The following PRKG1 variants were observed in gnomAD, a reference collection of about 807,000 sequenced individuals.
The protein encoded by PRKG1 is protein kinase cGMP-dependent 1, also known as cGMP-dependent protein kinase 1.
A neutral mutation model predicts 88.1 loss-of-function variants in PRKG1; 35 were observed. That is an observed-to-expected ratio of 0.40 (90% CI 0.30 to 0.53). PRKG1 has a LOEUF of 0.53. PRKG1 is among the 20% of genes least tolerant of loss of function. The pLI is 0.59. For synonymous variants in PRKG1, 303 were observed against 292.5 expected (o/e 1.04, Z -0.37); for missense variants, 540 against 839.8 (o/e 0.64, Z 4.41).
chr10:51,169,174 C>A (rs74131782), intron 2 of PRKG1, among the ~76,000 whole-genome samples: 5,290 of 152,194 alleles, frequency 0.035, 302 homozygotes, highest in African/African-American at 0.12. Context: ...TATAACATTT[C>A]ATCTTTTGAA....
intron 3 of PRKG1, among the ~76,000 whole-genome samples, chr10:51,499,722 TG>T (rs1323647868): frequency 6.6e-6 from 1 of 152,190 alleles, no homozygotes; most frequent in East Asian, 1.9e-4. Flanking sequence ...GAGGATCGCT[TG>T]CAGCCAGGAG....
Position 51,847,840 on chromosome 10 carries a change from T to TAAAAAAA in PRKG1, c.698+43181_698+43187dup, listed in dbSNP as rs766423513. The stretch of plus-strand genomic sequence containing the variant: ...AACATAGAGAGACTCAAGACTCTGT[T>TAAAAAAA]AAAAAAAAAAAAAAAAAAAAAAAAA... On this transcript the variant is annotated intron_variant, in intron 4 of 17. Coordinates refer to ENST00000373980, the MANE Select transcript of PRKG1 (RefSeq NM_006258.4). 9.4e-4 allele frequency among the ~76,000 whole-genome samples: 33 copies of TAAAAAAA among 35,218 alleles called. 1 individual carries two copies. Among genetic ancestry groups the TAAAAAAA allele is most frequent in the Non-Finnish European group, 1.6e-3 (30 of 18,438 alleles). 23.1% of individuals were successfully genotyped at this position (35,218 alleles called of 152,430 possible).
chr10:51,435,092 A>C (rs1333003607), intron 2 of PRKG1, among the ~76,000 whole-genome samples: 1 of 152,086 alleles, frequency 6.6e-6, no homozygotes, highest in East Asian at 1.9e-4. Flanking sequence ...TATAAAAGGC[A>C]GGAATTGTAG....
chr10:51,263,173 C>G (rs1053819399), intron 2 of PRKG1, among the ~76,000 whole-genome samples: 8 of 152,168 alleles, frequency 5.3e-5, no homozygotes, highest in African/African-American at 1.9e-4. Flanking sequence ...AATGTTCACC[C>G]CTTTTTCTGC....
chr10:51,169,010 G>A (rs986990473), intron 2 of PRKG1, among the ~76,000 whole-genome samples: 27 of 152,100 alleles, frequency 1.8e-4, no homozygotes, highest in African/African-American at 5.3e-4. Context: ...CTGAGTTAGC[G>A]TCGCAGAACA....
At chr10:51,957,157 C>CTT (rs796508675) in intron 5 of PRKG1, among the ~76,000 whole-genome samples, 1 of 34,726 alleles carries the variant, frequency 2.9e-5, no homozygotes, top group Non-Finnish European at 6.2e-5. Context: ...TTTCCTCTTT[C>CTT]TTTCTCTCTT....
At chr10:51,992,728 T>A (rs535666147) in intron 5 of PRKG1, among the ~76,000 whole-genome samples, 1 of 152,294 alleles carries the variant, frequency 6.6e-6, no homozygotes, top group East Asian at 1.9e-4. Flanking sequence ...TGTGTCTCTG[T>A]GTGTATGTCT....
chr10:51,776,365 A>G (rs1838435750), intron 3 of PRKG1, among the ~76,000 whole-genome samples: 1 of 152,196 alleles, frequency 6.6e-6, no homozygotes, highest in Non-Finnish European at 1.5e-5. Context: ...AAAATCTAAT[A>G]GATAGCTACA....
chr10:51,030,141 T>TA (rs1843263688), intron 1 of PRKG1, among the ~76,000 whole-genome samples: 1 of 152,116 alleles, frequency 6.6e-6, no homozygotes, highest in African/African-American at 2.4e-5. Flanking sequence ...TGTTGGATAA[T>TA]AGTAAATTGA....
Position 51,850,489 on chromosome 10 carries a change from T to TTATATATATATA in PRKG1, c.698+45803_698+45814dup, listed in dbSNP as rs141736837. 1.7e-4 allele frequency among the ~76,000 whole-genome samples: 24 copies of TTATATATATATA among 143,658 alleles called. 1 individual carries two copies. The highest frequency in any genetic ancestry group is 5.7e-4 in the African/African-American group (23 of 40,468). 94.2% of individuals were successfully genotyped at this position (143,658 alleles called of 152,430 possible). On this transcript the variant is annotated intron_variant, in intron 4 of 17. Coordinates refer to ENST00000373980, the MANE Select transcript of PRKG1 (RefSeq NM_006258.4). ...ACAGTGTCCAGCCCATGTTGCAATTTTATATATATATATATGTATATGTAT... is the reference window on the plus strand; with the variant it reads ...ACAGTGTCCAGCCCATGTTGCAATTTTATATATATATATATATATATATATATGTATATGTAT...
At chr10:51,383,872 A>G (rs998384686) in intron 2 of PRKG1, among the ~76,000 whole-genome samples, 2 of 152,110 alleles carry the variant, frequency 1.3e-5, no homozygotes, top group Non-Finnish European at 2.9e-5. Context: ...AATTGTCTTC[A>G]ATTATGCAGC....
chr10:52,142,435 TAGTC>T (rs1837607242), intron 8 of PRKG1, among the ~76,000 whole-genome samples: 1 of 152,188 alleles, frequency 6.6e-6, no homozygotes, highest in Admixed American at 6.6e-5. Context: ...AATCGTATGA[TAGTC>T]CACCTGAAAA....
At chr10:51,853,135 A>G (rs756050979) in intron 4 of PRKG1, among the ~76,000 whole-genome samples, 3 of 152,128 alleles carry the variant, frequency 2.0e-5, no homozygotes, top group Non-Finnish European at 4.4e-5. Flanking sequence ...GCCTCTCTAG[A>G]TCAGAGAAAG....
At chr10:51,424,448 A>G (rs1405416630) in intron 2 of PRKG1, among the ~76,000 whole-genome samples, 1 of 152,132 alleles carries the variant, frequency 6.6e-6, no homozygotes, top group Non-Finnish European at 1.5e-5. Flanking sequence ...AAAGGCAACT[A>G]TGGCGTTATA....
rs1841699169 is a variant in PRKG1 at position 51,520,161 on chromosome 10, C to G, written c.592+52325C>G. 2.0e-5 allele frequency among the ~76,000 whole-genome samples: 3 copies of G among 151,696 alleles called. No individual in the cohort carries two copies. In the South Asian group the frequency reaches 6.2e-4, roughly 32 times the overall value. On this transcript the variant is annotated intron_variant, in intron 3 of 17. Transcript: ENST00000373980. ...TTGGTTAACATAGATTTAGACAAGT[C>G]ACTAGTGAGACACTGTACTGAATTT...
intron 2 of PRKG1, among the ~76,000 whole-genome samples, chr10:51,259,673 AC>A (rs1413089081): frequency 1.3e-5 from 2 of 152,046 alleles, no homozygotes; most frequent in African/African-American, 4.8e-5. Flanking sequence ...ACAGGGTTTC[AC>A]CATGTTGGCC....
intron 2 of PRKG1, among the ~76,000 whole-genome samples, chr10:51,338,535 T>C (rs993164030): frequency 2.0e-5 from 3 of 152,168 alleles, no homozygotes; most frequent in Non-Finnish European, 4.4e-5. Context: ...ATAGATGCCC[T>C]ATAAATACAT....
At chr10:51,420,155 C>A (rs1838368398) in intron 2 of PRKG1, among the ~76,000 whole-genome samples, 2 of 152,008 alleles carry the variant, frequency 1.3e-5, no homozygotes, top group Non-Finnish European at 2.9e-5. Context: ...AGCTTCCAGT[C>A]ATGGTGGAAG....
At chr10:52,263,498 A>T (rs1841486817) in intron 10 of PRKG1, among the ~76,000 whole-genome samples, 1 of 151,978 alleles carries the variant, frequency 6.6e-6, no homozygotes, top group African/African-American at 2.4e-5. Flanking sequence ...CCATCATATA[A>T]CCCAGCTTTA....
Sources: allele counts gnomAD v4.1 joint callset (sites outside exome capture counted in the v4.1 genomes callset), GRCh38; gene constraint gnomAD v4.1.1; transcripts MANE v1.5; gene names NCBI Gene and HGNC (gene_info 2026-07-23, HGNC 2026-07-21).